SNX29: variants seen among roughly 807,000 people sequenced by gnomAD.
SNX29 encodes the protein sorting nexin-29.
A neutral mutation model predicts 102.1 loss-of-function variants in SNX29; 78 were observed. That is an observed-to-expected ratio of 0.76 (90% confidence interval 0.64 to 0.92). The LOEUF is 0.92. Ranked by LOEUF, SNX29 falls within the 40% of genes least tolerant of loss-of-function variation. The pLI, the probability that SNX29 is intolerant of heterozygous loss-of-function variation, is 0.00. For missense variants in SNX29, 1,280 were observed against 1,061.7 expected, an observed-to-expected ratio of 1.21 and a Z score of -2.86; for synonymous variants, 580 against 414.5, an observed-to-expected ratio of 1.40 and a Z score of -4.85.
At chr16:12,335,755 T>G (rs2081428545) in intron 15 of SNX29, among the ~76,000 whole-genome samples, 1 of 151,898 alleles carries the variant, frequency 6.6e-6, no homozygotes. Context: ...CTAGACAGTG[T>G]GTTAAGTGCC....
intron 18 of SNX29, among the ~76,000 whole-genome samples, chr16:12,440,553 G>A (rs541010395): frequency 1.3e-5 from 2 of 152,224 alleles, no homozygotes; most frequent in Admixed American, 6.5e-5. Context: ...GTATTAAGCC[G>A]AGTCCTCATT....
chr16:12,554,797 C>T lies in SNX29; in HGVS notation c.2319-13709C>T, dbSNP rs77113638. Among the ~76,000 whole-genome samples, 348 of 152,242 alleles carry T rather than the reference C, an allele frequency of 2.3e-3. 1 individual carries two copies. Among genetic ancestry groups the T allele is most frequent in the African/African-American group, 7.7e-3 (319 of 41,548 alleles). ...CCGCCATAGAATGCAATTGTTTATT[C>T]TAGAAATTTGTATTGAGCACCTGCT... is the stretch of plus-strand genomic sequence containing the variant. On this transcript the variant is annotated intron_variant, in intron 20 of 20. Coordinates refer to ENST00000566228, the MANE Select transcript of SNX29 (RefSeq NM_032167.5).
intron 9 of SNX29, among the ~76,000 whole-genome samples, chr16:12,062,161 C>G (rs1230252689): frequency 6.6e-6 from 1 of 151,922 alleles, no homozygotes; most frequent in African/African-American, 2.4e-5. Flanking sequence ...GGTGGATCAC[C>G]TGAGGTCAGG....
chr16:12,417,115 C>G (rs2084668221), intron 18 of SNX29, among the ~76,000 whole-genome samples: 1 of 152,236 alleles, frequency 6.6e-6, no homozygotes, highest in African/African-American at 2.4e-5. Context: ...TCTTGGGAGC[C>G]TACCATTCCA....
intron 20 of SNX29, among the ~76,000 whole-genome samples, chr16:12,553,873 TCA>T (rs1212023057): frequency 6.6e-6 from 1 of 151,906 alleles, no homozygotes; most frequent in African/African-American, 2.4e-5. Flanking sequence ...AGATGGAGTC[TCA>T]CTCTTTTGCC....
At chr16:12,093,029 G>C (rs1283118862) in intron 11 of SNX29, among the ~76,000 whole-genome samples, 2 of 152,166 alleles carry the variant, frequency 1.3e-5, no homozygotes, top group African/African-American at 4.8e-5. Context: ...AGACCCCTGT[G>C]GACTGTTTTG....
At chr16:12,496,756 C>T (rs2088847691) in intron 19 of SNX29, among the ~76,000 whole-genome samples, 1 of 152,090 alleles carries the variant, frequency 6.6e-6, no homozygotes, top group East Asian at 1.9e-4. Context: ...AGTGATCCGC[C>T]CGCCTCGGCC....
chr16:12,183,671 G>C (rs1447102613), intron 13 of SNX29, among the ~76,000 whole-genome samples: 1 of 152,206 alleles, frequency 6.6e-6, no homozygotes, highest in Non-Finnish European at 1.5e-5. Context: ...ATCTGGAATA[G>C]GGGCTGGGTA....
At chr16:12,127,080 G>A (rs2054244220) in intron 12 of SNX29, among the ~76,000 whole-genome samples, 1 of 152,006 alleles carries the variant, frequency 6.6e-6, no homozygotes, top group Non-Finnish European at 1.5e-5. Flanking sequence ...CAGCCTTGGT[G>A]AAACCCCGTC....
intron 4 of SNX29, among the ~76,000 whole-genome samples, chr16:12,033,213 A>G (rs1264603065): frequency 1.3e-5 from 2 of 151,940 alleles, no homozygotes; most frequent in African/African-American, 4.8e-5. Flanking sequence ...ACATGGGGAG[A>G]ACCAGAGAGT....
intron 3 of SNX29, among the ~76,000 whole-genome samples, chr16:12,020,594 A>C (rs2056988450): frequency 6.6e-6 from 1 of 151,896 alleles, no homozygotes; most frequent in Non-Finnish European, 1.5e-5. Flanking sequence ...CCTTTTTGAA[A>C]ATTAATTAAA....
chr16:12,539,833 T>G (rs2077244602), intron 20 of SNX29, among the ~76,000 whole-genome samples: 1 of 152,244 alleles, frequency 6.6e-6, no homozygotes, highest in South Asian at 2.1e-4. Flanking sequence ...CACATCCTCT[T>G]TGGGGAAGTA....
intron 18 of SNX29, among the ~76,000 whole-genome samples, chr16:12,463,178 C>T (rs540207409): frequency 4.9e-4 from 74 of 152,186 alleles, no homozygotes; most frequent in Non-Finnish European, 8.1e-4. Flanking sequence ...GGGGTGGAGG[C>T]GGAGGCACTT....
intron 16 of SNX29, among the ~76,000 whole-genome samples, chr16:12,385,341 C>T (rs935130826): frequency 2.2e-4 from 33 of 152,342 alleles, no homozygotes; most frequent in African/African-American, 7.7e-4. Flanking sequence ...ATGTTGCCTG[C>T]AGCAGGAAGT....
intron 16 of SNX29, among the ~76,000 whole-genome samples, chr16:12,363,356 C>A (rs2082360243): frequency 6.6e-6 from 1 of 152,204 alleles, no homozygotes; most frequent in African/African-American, 2.4e-5. Flanking sequence ...AGCCACTTCC[C>A]TCTTCCTTTC....
chr16:12,108,772 G>A (rs1161444269), intron 11 of SNX29, among the ~76,000 whole-genome samples: 1 of 152,126 alleles, frequency 6.6e-6, no homozygotes, highest in Non-Finnish European at 1.5e-5. Flanking sequence ...CCATACACAC[G>A]AAGCTGTCCC....
chr16:11,978,568 TG>T (rs2055352613), intron 1 of SNX29, among the ~76,000 whole-genome samples: 1 of 152,120 alleles, frequency 6.6e-6, no homozygotes, highest in Admixed American at 6.6e-5. Flanking sequence ...AGAGCTCATG[TG>T]GGGTAGGAGT....
chr16:12,044,020 C>G (rs1415511348), intron 5 of SNX29, among the ~76,000 whole-genome samples: 2 of 152,194 alleles, frequency 1.3e-5, no homozygotes, highest in Non-Finnish European at 2.9e-5. Context: ...TCCCAAAGTC[C>G]TGGGGTTACA....
intron 15 of SNX29, among the ~76,000 whole-genome samples, chr16:12,323,637 G>C (rs945042256): frequency 6.6e-6 from 1 of 152,142 alleles, no homozygotes; most frequent in Non-Finnish European, 1.5e-5. Flanking sequence ...ATTGTTCACT[G>C]TCGTATCCAG....
Sources: allele counts gnomAD v4.1 joint callset (sites outside exome capture counted in the v4.1 genomes callset), GRCh38; gene constraint gnomAD v4.1.1; transcripts MANE v1.5; gene names NCBI Gene and HGNC (gene_info 2026-07-23, HGNC 2026-07-21).